Variants in ADAMTS12 observed in about 807,000 individuals in gnomAD.
The protein encoded by ADAMTS12 is A disintegrin and metalloproteinase with thrombospondin motifs 12.
Under a neutral mutation model 167.8 loss-of-function variants are expected in ADAMTS12, and 118 were observed. That is an observed-to-expected ratio of 0.70 (90% CI 0.61 to 0.82). The LOEUF is 0.82. Ranked by LOEUF, ADAMTS12 falls within the 40% of genes least tolerant of loss-of-function variation. The pLI, the probability that ADAMTS12 is intolerant of heterozygous loss-of-function variation, is 0.00. For missense variants in ADAMTS12, 1,916 were observed against 1,998.8 expected, an observed-to-expected ratio of 0.96 and a Z score of 0.79; for synonymous variants, 704 against 716.9, an observed-to-expected ratio of 0.98 and a Z score of 0.29.
In ADAMTS12 at chr5:33,526,873, T is replaced by G. The variant is rs1055161458; in HGVS notation, c.*315A>C. 3.8e-5 allele frequency: 9 copies of G among 239,974 alleles called. No homozygotes were observed. The highest frequency in any genetic ancestry group is 2.0e-4 in the African/African-American group (9 of 44,722). The allele number at this position is 239,974 out of a possible 1,614,324, so 14.9% of individuals were successfully genotyped here. ...GAAATAGCTGGTCTCTTTGTTTTTATCTTTAAGGGAGAACAAAAATACAGT... is the reference window on the plus strand; with the variant it reads ...GAAATAGCTGGTCTCTTTGTTTTTAGCTTTAAGGGAGAACAAAAATACAGT... On this transcript the variant is annotated 3_prime_UTR_variant, in exon 24 of 24. Transcript: ENST00000504830.
intron 14 of ADAMTS12, among the ~76,000 whole-genome samples, chr5:33,617,803 A>AC (rs1491213264): frequency 2.0e-5 from 3 of 151,736 alleles, no homozygotes; most frequent in Non-Finnish European, 4.4e-5. Flanking sequence ...GAAAAAAAAA[A>AC]CAATAAATAA....
At chr5:33,822,464 T>C (rs1747902556) in intron 2 of ADAMTS12, among the ~76,000 whole-genome samples, 1 of 152,208 alleles carries the variant, frequency 6.6e-6, no homozygotes, top group South Asian at 2.1e-4. Context: ...GGTTATATTT[T>C]CTATAAGACC....
At chr5:33,867,633 C>G (rs1311207089) in intron 2 of ADAMTS12, among the ~76,000 whole-genome samples, 1 of 148,718 alleles carries the variant, frequency 6.7e-6, no homozygotes, top group Non-Finnish European at 1.5e-5. Context: ...CACACACACA[C>G]AGCACAAACA....
Position 33,576,219 on chromosome 5 carries a change from C to T in ADAMTS12, c.3807G>A (p.Leu1269=), listed in dbSNP as rs1206747208. 1.2e-6 allele frequency: 2 copies of T among 1,614,196 alleles called. No individual in the cohort carries two copies. Among genetic ancestry groups the T allele is most frequent in the Admixed American group, 3.3e-5 (2 of 60,026 alleles). The part of the protein sequence containing the change: ...PSGKTANRNH[L]KLPNNMNQTK... ...TTTGGTTCATGTTGTTTGGAAGTTT[C>T]AGGTGGTTACGGTTTGCCGTCTTTC... Residue 1269 remains leucine (L), a synonymous_variant, in exon 19 of 24, where the codon CTG becomes CTA. Transcript: ENST00000504830.
At chr5:33,530,381 C>A (rs1420635367) in intron 23 of ADAMTS12, among the ~76,000 whole-genome samples, 2 of 152,230 alleles carry the variant, frequency 1.3e-5, no homozygotes, top group African/African-American at 2.4e-5. Flanking sequence ...CTGGGCCATG[C>A]ACTGTGTGCA....
At position 33,684,135 on chromosome 5, in the gene ADAMTS12, G is replaced by T. The variant is rs867475765; in HGVS notation, c.635-80C>A. On this transcript the variant is annotated intron_variant, in intron 3 of 23. Coordinates refer to ENST00000504830, the MANE Select transcript of ADAMTS12 (RefSeq NM_030955.4). ...CTACTTATGTTAGTAAAGATGCAAG[G>T]CCATAAGTTTAATTTACATTTAATA... 48 of 1,077,034 alleles carry T rather than the reference G, an allele frequency of 4.5e-5. No individual in the cohort carries two copies. The Middle Eastern group carries it at 1.6e-3, about 37-fold the overall frequency. 66.7% of individuals were successfully genotyped at this position (1,077,034 alleles called of 1,614,324 possible).
rs200678971 is a variant in ADAMTS12 at position 33,546,040 on chromosome 5, A to G, written c.4446+19T>C. 4.1e-5 allele frequency: 65 copies of G among 1,581,416 alleles called. No homozygotes were observed. The highest frequency in any genetic ancestry group is 3.0e-4 in the Admixed American group (15 of 50,712). ...AAAAAAAAGCTAAAGTAAAAAAAGT[A>G]TGTATAACCAAGTCTTACCAGGTCC... On this transcript the variant is annotated intron_variant, in intron 22 of 23. Transcript: ENST00000504830.
chr5:33,639,243 G>A lies in ADAMTS12; in HGVS notation c.1719-1497C>T, dbSNP rs886115581. ...GGTTATCGTGAATAATAATCAACCAGCATTTATATACTACCATGTGCTCAA... is the reference window on the plus strand; with the variant it reads ...GGTTATCGTGAATAATAATCAACCAACATTTATATACTACCATGTGCTCAA... On this transcript the variant is annotated intron_variant, in intron 11 of 23. Transcript: ENST00000504830. 2.0e-5 allele frequency among the ~76,000 whole-genome samples: 3 copies of A among 152,154 alleles called. No individual in the cohort carries two copies. The South Asian group carries it at 6.2e-4, about 31-fold the overall frequency.
chr5:33,530,355 G>T (rs529772768), intron 23 of ADAMTS12, among the ~76,000 whole-genome samples: 1 of 152,340 alleles, frequency 6.6e-6, no homozygotes, highest in South Asian at 2.1e-4. Flanking sequence ...AGAGCAGTGG[G>T]TGTTGTTCAC....
intron 2 of ADAMTS12, 72 bp downstream of exon 2, chr5:33,881,047 T>C: frequency 6.4e-7 from 1 of 1,553,762 alleles, no homozygotes; most frequent in Non-Finnish European, 8.7e-7. Flanking sequence ...TGTGAACCTG[T>C]TGGTAGTAGG....
chr5:33,795,747 G>A (rs1462242100), intron 2 of ADAMTS12, among the ~76,000 whole-genome samples: 1 of 152,096 alleles, frequency 6.6e-6, no homozygotes, highest in African/African-American at 2.4e-5. Flanking sequence ...TTGAAAATTC[G>A]CCACTATACT....
chr5:33,612,816 C>T lies in ADAMTS12; in HGVS notation c.2527+1422G>A, dbSNP rs575247447. Reference sequence around the variant, plus strand: ...ATGGCAGGACTGACTCTCCTATCAACACCACTCATGGCTGCTGCCACAGAC... The same window carrying T: ...ATGGCAGGACTGACTCTCCTATCAATACCACTCATGGCTGCTGCCACAGAC... On this transcript the variant is annotated intron_variant, in intron 16 of 23. Transcript: ENST00000504830. Among the ~76,000 whole-genome samples the T allele has an allele frequency of 1.1e-4, 16 of 152,320 alleles. 1 individual carries two copies. In the South Asian group the frequency reaches 3.3e-3, roughly 32 times the overall value.
At chr5:33,638,377 T>G (rs1302646050) in intron 11 of ADAMTS12, among the ~76,000 whole-genome samples, 1 of 152,212 alleles carries the variant, frequency 6.6e-6, no homozygotes, top group Non-Finnish European at 1.5e-5. Flanking sequence ...CTCCTGAGCT[T>G]GGCATTCAAA....
rs549886869 is a variant in ADAMTS12, at chr5:33,556,239, TA to T, written c.4125+4787del. ...TGAATGGCCAGTGTCACATACAGAT[TA>T]ATGACAGAGTAGGTTATCATGCCAG... On this transcript the variant is annotated intron_variant, in intron 20 of 23. Coordinates refer to ENST00000504830, the MANE Select transcript of ADAMTS12 (RefSeq NM_030955.4). 3.6e-3 allele frequency among the ~76,000 whole-genome samples: 550 copies of T among 152,278 alleles called. 3 individuals are homozygous for T. The highest frequency in any genetic ancestry group is 0.011 in the African/African-American group (458 of 41,550).
chr5:33,626,226 G>A (rs762914552), intron 13 of ADAMTS12, among the ~76,000 whole-genome samples: 2 of 151,606 alleles, frequency 1.3e-5, no homozygotes, highest in Admixed American at 6.6e-5. Context: ...GAGTAGTGGC[G>A]ATGGTGATGG....
intron 2 of ADAMTS12, among the ~76,000 whole-genome samples, chr5:33,841,479 T>G (rs1748743627): frequency 6.6e-6 from 1 of 152,224 alleles, no homozygotes; most frequent in South Asian, 2.1e-4. Context: ...CACTTTTTGT[T>G]CTCCTCATGC....
chr5:33,741,265 G>T (rs1744567256), intron 3 of ADAMTS12, among the ~76,000 whole-genome samples: 2 of 152,302 alleles, frequency 1.3e-5, no homozygotes, highest in South Asian at 4.1e-4. Context: ...TTTTCCCACA[G>T]TTCTGAAGGT....
chr5:33,682,160 C>T (rs963447227), intron 5 of ADAMTS12, among the ~76,000 whole-genome samples: 1 of 152,136 alleles, frequency 6.6e-6, no homozygotes, highest in Non-Finnish European at 1.5e-5. Flanking sequence ...GAAGTAAGAC[C>T]ACAGTGCTCC....
At chr5:33,805,199 C>T (rs1382997940) in intron 2 of ADAMTS12, among the ~76,000 whole-genome samples, 4 of 152,176 alleles carry the variant, frequency 2.6e-5, no homozygotes, top group African/African-American at 9.7e-5. Context: ...AGGAGCCACC[C>T]TCCAGGAGAG....
Sources: gnomAD v4.1 joint callset for allele counts (sites outside exome capture counted in the v4.1 genomes callset) on GRCh38, gnomAD v4.1.1 for gene constraint, MANE v1.5 for transcripts, NCBI Gene and HGNC (gene_info 2026-07-23, HGNC 2026-07-21) for gene names.